PAG1: variants seen among roughly 807,000 people sequenced by gnomAD.
PAG1 encodes phosphoprotein associated with glycosphingolipid-enriched microdomains 1.
A neutral mutation model predicts 31.7 loss-of-function variants in PAG1; 23 were observed. The observed-to-expected ratio is 0.73, with a 90% confidence interval of 0.52 to 1.03. The LOEUF is 1.03. PAG1 is among the 50% of genes least tolerant of loss of function. The pLI is 0.00. For missense variants in PAG1, 473 were observed against 540.7 expected, an observed-to-expected ratio of 0.87 and a Z score of 1.24; for synonymous variants, 214 against 210.3, an observed-to-expected ratio of 1.02 and a Z score of -0.15.
chr8:80,971,748 T>A lies in PAG1; in HGVS notation c.*4796A>T, dbSNP rs1015922899. ...AAGAATTTGGAATATTATTTTTCAG[T>A]TAAGTCAAAGAAGAACTTGAAAAAA... On this transcript the variant is annotated 3_prime_UTR_variant, in exon 9 of 9. Coordinates refer to ENST00000220597, the MANE Select transcript of PAG1 (RefSeq NM_018440.4). The A allele has an allele frequency of 2.0e-5, 3 of 152,234 alleles. No homozygotes were observed. Among genetic ancestry groups the A allele is most frequent in the African/African-American group, 4.8e-5 (2 of 41,454 alleles). The allele number at this position is 152,234 out of a possible 1,614,324, so 9.4% of individuals were successfully genotyped here. A position where few individuals can be genotyped will look rare whatever the true frequency, so the allele number is the denominator to read the frequency against.
intron 1 of PAG1, among the ~76,000 whole-genome samples, chr8:81,108,771 C>T (rs1237598092): frequency 6.6e-6 from 1 of 152,090 alleles, no homozygotes; most frequent in African/African-American, 2.4e-5. Context: ...CACACAGCAC[C>T]CCGGAATCTG....
intron 1 of PAG1, among the ~76,000 whole-genome samples, chr8:81,077,643 G>C (rs2131001411): frequency 6.6e-6 from 1 of 152,160 alleles, no homozygotes; most frequent in South Asian, 2.1e-4. Context: ...TTCGCATTTA[G>C]AAATCTGAAA....
At chr8:81,079,800 G>T (rs57172221) in intron 1 of PAG1, among the ~76,000 whole-genome samples, 1 of 151,656 alleles carries the variant, frequency 6.6e-6, no homozygotes, top group Non-Finnish European at 1.5e-5. Flanking sequence ...ACAGGGTCTC[G>T]CTCTGTTGCT....
chr8:81,026,598 G>T (rs1015044939), intron 3 of PAG1, among the ~76,000 whole-genome samples: 3 of 151,930 alleles, frequency 2.0e-5, no homozygotes, highest in African/African-American at 7.3e-5. Context: ...TGGTCACAGG[G>T]TATGGAGACC....
chr8:81,065,121 CTG>C (rs1554606458), intron 2 of PAG1, among the ~76,000 whole-genome samples: 790 of 152,342 alleles, frequency 5.2e-3, no homozygotes, highest in Non-Finnish European at 7.7e-3. Context: ...CAGCCTCTAA[CTG>C]GAGCTGTGTC....
chr8:81,104,472 C>A (rs573332327), intron 1 of PAG1, among the ~76,000 whole-genome samples: 1 of 151,928 alleles, frequency 6.6e-6, no homozygotes, highest in Non-Finnish European at 1.5e-5. Flanking sequence ...GACTTGCAAA[C>A]CTGCATTTCC....
rs1807102240 is a variant in PAG1, at chr8:80,972,712, G to C, written c.*3832C>G. 1 of 152,168 alleles carries C rather than the reference G, an allele frequency of 6.6e-6. No individual in the cohort carries two copies. Among genetic ancestry groups the C allele is most frequent in the Non-Finnish European group, 1.5e-5 (1 of 68,030 alleles). 9.4% of individuals were successfully genotyped at this position (152,168 alleles called of 1,614,324 possible). On this transcript the variant is annotated 3_prime_UTR_variant, in exon 9 of 9. Coordinates refer to ENST00000220597, the MANE Select transcript of PAG1 (RefSeq NM_018440.4). ...TTTTTCAGCCAAGAGAATTACGGAT[G>C]CAATTTAAAGTCTAAATGTATTAAT...
chr8:81,056,842 G>C (rs1808831216), intron 2 of PAG1, among the ~76,000 whole-genome samples: 1 of 152,042 alleles, frequency 6.6e-6, no homozygotes, highest in South Asian at 2.1e-4. Context: ...CTAACATCCA[G>C]AATCTACAAA....
At chr8:81,085,049 G>T (rs193255713) in intron 1 of PAG1, among the ~76,000 whole-genome samples, 2 of 152,152 alleles carry the variant, frequency 1.3e-5, no homozygotes, top group Non-Finnish European at 2.9e-5. Flanking sequence ...ATTGATGAAC[G>T]CACTTTAAAA....
intron 2 of PAG1, among the ~76,000 whole-genome samples, chr8:81,064,424 C>A (rs1808970097): frequency 1.3e-5 from 2 of 152,196 alleles, no homozygotes; most frequent in African/African-American, 4.8e-5. Flanking sequence ...GAACCAAACA[C>A]AGGGTCAAGG....
rs930835133 is a variant in PAG1, at chr8:81,055,320, C to T, written c.-175+14792G>A. ...GGGATAGGAAATTCAGGAAGAGGAACTGATTTCAGGGTATAAAATAAACAT... is the reference window on the plus strand; with the variant it reads ...GGGATAGGAAATTCAGGAAGAGGAATTGATTTCAGGGTATAAAATAAACAT... On this transcript the variant is annotated intron_variant, in intron 2 of 8. Transcript: ENST00000220597. Among the ~76,000 whole-genome samples the T allele has an allele frequency of 4.6e-5, 7 of 152,034 alleles. No homozygotes were observed. In the East Asian group the frequency reaches 1.3e-3, roughly 29 times the overall value.
At chr8:80,991,569 C>G (rs1807549164) in intron 4 of PAG1, 39 bp from the exon 5 acceptor site, 12 of 1,507,032 alleles carry the variant, frequency 8.0e-6, no homozygotes, top group Non-Finnish European at 1.1e-5. Flanking sequence ...TCAAATGTGC[C>G]CCCTTAAAAT....
At chr8:81,081,739 C>T (rs1001012800) in intron 1 of PAG1, among the ~76,000 whole-genome samples, 1 of 151,282 alleles carries the variant, frequency 6.6e-6, no homozygotes, top group Non-Finnish European at 1.5e-5. Context: ...TGCACACTAG[C>T]TGCTGCATAT....
intron 2 of PAG1, among the ~76,000 whole-genome samples, chr8:81,045,806 C>G (rs560121129): frequency 1.3e-5 from 2 of 152,120 alleles, no homozygotes; most frequent in African/African-American, 4.8e-5. Context: ...AACATCCACA[C>G]AGACAAAATA....
At chr8:81,086,530 TA>T (rs1165038046) in intron 1 of PAG1, among the ~76,000 whole-genome samples, 2 of 151,544 alleles carry the variant, frequency 1.3e-5, no homozygotes, top group Non-Finnish European at 1.5e-5. Context: ...TGTGTGTGCA[TA>T]AAAGGATGCA....
At chr8:81,087,757 CAGG>C (rs1809383803) in intron 1 of PAG1, among the ~76,000 whole-genome samples, 2 of 152,198 alleles carry the variant, frequency 1.3e-5, no homozygotes, top group South Asian at 2.1e-4. Flanking sequence ...TCTGTGGCTG[CAGG>C]AGAACAAACC....
chr8:81,036,054 G>A (rs1170501209), intron 2 of PAG1, among the ~76,000 whole-genome samples: 1 of 152,136 alleles, frequency 6.6e-6, no homozygotes, highest in Non-Finnish European at 1.5e-5. Context: ...GGGGAGCAGG[G>A]TGTTTATACT....
intron 7 of PAG1, among the ~76,000 whole-genome samples, chr8:80,982,561 G>A (rs1807329774): frequency 6.6e-6 from 1 of 152,126 alleles, no homozygotes; most frequent in African/African-American, 2.4e-5. Context: ...TTCTGTGGAT[G>A]ACTCCCACAT....
chr8:81,104,552 T>A (rs1809661657), intron 1 of PAG1, among the ~76,000 whole-genome samples: 1 of 152,194 alleles, frequency 6.6e-6, no homozygotes, highest in African/African-American at 2.4e-5. Context: ...AGGTCCTGAA[T>A]GTCCCTCTGG....
Sources: gnomAD v4.1 joint callset for allele counts (sites outside exome capture counted in the v4.1 genomes callset) on GRCh38, gnomAD v4.1.1 for gene constraint, MANE v1.5 for transcripts, NCBI Gene and HGNC (gene_info 2026-07-23, HGNC 2026-07-21) for gene names.